VOPP1: variants seen among roughly 807,000 people sequenced by gnomAD.
The protein encoded by VOPP1 is WW domain binding protein VOPP1.
A neutral mutation model predicts 23.5 loss-of-function variants in VOPP1; 8 were observed. The observed-to-expected ratio is 0.34, with a 90% CI of 0.20 to 0.61. The LOEUF is 0.61. VOPP1 is among the 20% of genes least tolerant of loss of function. The pLI is 0.78. For synonymous variants in VOPP1, 83 were observed against 97.3 expected, an observed-to-expected ratio of 0.85 and a Z score of 0.86; for missense variants, 174 against 238.1, an observed-to-expected ratio of 0.73 and a Z score of 1.77.
intron 1 of VOPP1, among the ~76,000 whole-genome samples, chr7:55,524,637 C>T (rs1562955336): frequency 2.6e-5 from 4 of 152,182 alleles, no homozygotes; most frequent in Admixed American, 2.6e-4. Context: ...AATGAGGACA[C>T]AGAAGTCCTG....
chr7:55,525,419 G>A (rs1011555044), intron 1 of VOPP1, among the ~76,000 whole-genome samples: 14 of 151,804 alleles, frequency 9.2e-5, no homozygotes, highest in Non-Finnish European at 2.1e-4. Flanking sequence ...AACTCGGGAG[G>A]CGGAGCTTGC....
intron 4 of VOPP1, among the ~76,000 whole-genome samples, chr7:55,437,917 G>A (rs943640428): frequency 1.4e-5 from 2 of 142,782 alleles, no homozygotes; most frequent in African/African-American, 5.1e-5. Context: ...TTTTGGAGAC[G>A]GAGTTTCTAT....
At chr7:55,520,415 T>C (rs1350316162) in intron 2 of VOPP1, among the ~76,000 whole-genome samples, 1 of 152,190 alleles carries the variant, frequency 6.6e-6, no homozygotes, top group Non-Finnish European at 1.5e-5. Flanking sequence ...GGAGAGTTAA[T>C]GTGGTCACTG....
At chr7:55,557,831 A>G (rs1177084014) in intron 1 of VOPP1, among the ~76,000 whole-genome samples, 6 of 152,260 alleles carry the variant, frequency 3.9e-5, no homozygotes, top group Admixed American at 6.5e-5. Context: ...GAGGGTGTGT[A>G]GAGCCTCTGA....
chr7:55,436,762 G>A (rs147129414), intron 4 of VOPP1, among the ~76,000 whole-genome samples: 178 of 152,270 alleles, frequency 1.2e-3, no homozygotes, highest in Non-Finnish European at 2.1e-3. Flanking sequence ...AGATGCTGCA[G>A]GAGCAAAGAT....
At chr7:55,438,600 G>A (rs1790888641) in intron 4 of VOPP1, among the ~76,000 whole-genome samples, 1 of 152,156 alleles carries the variant, frequency 6.6e-6, no homozygotes, top group African/African-American at 2.4e-5. Context: ...GAGCAGGACA[G>A]GCAAAGGCCC....
chr7:55,537,840 G>T, intron 1 of VOPP1: 1 of 694,642 alleles, frequency 1.4e-6, no homozygotes, highest in Non-Finnish European at 2.1e-6. Flanking sequence ...TCAAACCCAT[G>T]AAAGGGGGAA....
At chr7:55,501,159 T>C (rs141753253) in intron 2 of VOPP1, among the ~76,000 whole-genome samples, 9 of 152,338 alleles carry the variant, frequency 5.9e-5, no homozygotes, top group African/African-American at 2.2e-4. Context: ...CAGAAAGATT[T>C]CCAGAAAAAC....
At chr7:55,543,476 G>A (rs1797228944) in intron 1 of VOPP1, among the ~76,000 whole-genome samples, 1 of 152,162 alleles carries the variant, frequency 6.6e-6, no homozygotes, top group Non-Finnish European at 1.5e-5. Context: ...CATATTCTTA[G>A]TTTTCTGAAG....
At chr7:55,569,470 G>A (rs373269828) in intron 1 of VOPP1, among the ~76,000 whole-genome samples, 13 of 152,322 alleles carry the variant, frequency 8.5e-5, no homozygotes, top group East Asian at 7.7e-4. Flanking sequence ...TCCTGTGTGC[G>A]CAGACGGCAG....
At chr7:55,495,897 G>A (rs187237991) in intron 3 of VOPP1, among the ~76,000 whole-genome samples, 1 of 152,318 alleles carries the variant, frequency 6.6e-6, no homozygotes, top group South Asian at 2.1e-4. Flanking sequence ...CTGGCACTCA[G>A]ATCTTCCAAC....
At chr7:55,539,042 G>A (rs1051440315) in intron 1 of VOPP1, among the ~76,000 whole-genome samples, 6 of 93,300 alleles carry the variant, frequency 6.4e-5, no homozygotes, top group African/African-American at 2.8e-4. Context: ...AAAAAAAAAG[G>A]GGGGGGGGGA....
chr7:55,516,932 A>ATATTTTT (rs1562947689), intron 2 of VOPP1, among the ~76,000 whole-genome samples: 2 of 45,156 alleles, frequency 4.4e-5, no homozygotes, highest in African/African-American at 2.4e-4. Flanking sequence ...ATATATATAT[A>ATATTTTT]TTTTTTTTTT....
intron 4 of VOPP1, among the ~76,000 whole-genome samples, chr7:55,481,305 T>C (rs985683094): frequency 6.6e-6 from 1 of 152,190 alleles, no homozygotes; most frequent in African/African-American, 2.4e-5. Context: ...GAGGGCCTCC[T>C]TGGCCTCTCA....
intron 1 of VOPP1, among the ~76,000 whole-genome samples, chr7:55,527,992 G>A (rs998557807): frequency 8.6e-5 from 13 of 151,932 alleles, no homozygotes; most frequent in Non-Finnish European, 1.6e-4. Flanking sequence ...GCCTCAAGAA[G>A]ACAATTTTTC....
At chr7:55,520,836 A>T (rs1795795701) in intron 2 of VOPP1, among the ~76,000 whole-genome samples, 1 of 152,016 alleles carries the variant, frequency 6.6e-6, no homozygotes, top group Admixed American at 6.5e-5. Context: ...ATGTGAGCTC[A>T]CCTGCATCAC....
At chr7:55,542,044 G>C (rs554515959) in intron 1 of VOPP1, among the ~76,000 whole-genome samples, 3 of 152,294 alleles carry the variant, frequency 2.0e-5, no homozygotes, top group African/African-American at 7.2e-5. Context: ...AATATAGATG[G>C]GCGAGATGAT....
intron 4 of VOPP1, among the ~76,000 whole-genome samples, chr7:55,463,886 GACA>G (rs930374794): frequency 5.3e-5 from 8 of 152,214 alleles, no homozygotes; most frequent in African/African-American, 1.4e-4. Flanking sequence ...CAGATGCCTG[GACA>G]ACATGTGCAA....
At chr7:55,437,155 T>G (rs1790852486) in intron 4 of VOPP1, among the ~76,000 whole-genome samples, 1 of 152,172 alleles carries the variant, frequency 6.6e-6, no homozygotes, top group Non-Finnish European at 1.5e-5. Context: ...TGTGCTCAGT[T>G]GCTGGAAACT....
Sources: gnomAD v4.1 joint callset for allele counts (sites outside exome capture counted in the v4.1 genomes callset) on GRCh38, gnomAD v4.1.1 for gene constraint, MANE v1.5 for transcripts, NCBI Gene and HGNC (gene_info 2026-07-23, HGNC 2026-07-21) for gene names.